Variants in TNS1 observed in about 807,000 individuals in gnomAD.
The protein encoded by TNS1 is tensin-1.
In TNS1, 62 loss-of-function variants were observed where a neutral mutation model predicts 168.6. That is an observed-to-expected ratio of 0.37 (90% confidence interval 0.30 to 0.45). The LOEUF (loss-of-function observed/expected upper bound fraction) is 0.45, where lower values mean the gene tolerates loss of function less well. TNS1 is among the 20% of genes least tolerant of loss of function. TNS1 has a pLI of 1.00. For synonymous variants in TNS1, 934 were observed against 933.2 expected (o/e 1.00, Z -0.02); for missense variants, 2,240 against 2,339.4 (o/e 0.96, Z 0.88).
chr2:217,918,503 C>T (rs531720755), intron 4 of TNS1, among the ~76,000 whole-genome samples: 26 of 152,298 alleles, frequency 1.7e-4, no homozygotes, highest in Admixed American at 7.2e-4. Flanking sequence ...TGCTCAGGCA[C>T]GAGTCTCTTC....
At chr2:217,835,362 T>C (rs1216714300) in intron 20 of TNS1, among the ~76,000 whole-genome samples, 196 bp from the exon 21 acceptor site, 3 of 152,220 alleles carry the variant, frequency 2.0e-5, no homozygotes, top group Non-Finnish European at 2.9e-5. Flanking sequence ...AAGCCACTTC[T>C]ATCCAGAATG....
rs560548881 is a variant in TNS1, at chr2:218,029,425, T to C, written c.156+4395A>G. 1.5e-3 allele frequency among the ~76,000 whole-genome samples: 229 copies of C among 152,346 alleles called. 3 individuals carry two copies. The highest frequency in any genetic ancestry group is 2.2e-3 in the Non-Finnish European group (150 of 68,044). ...GGGACACATATACCAAACAGAAATC[T>C]GGCTTCATGATCTTCAAAACACATG... On this transcript the variant is annotated intron_variant, in intron 1 of 1. Transcript: ENST00000649572.
intron 18 of TNS1, among the ~76,000 whole-genome samples, chr2:217,853,686 G>C (rs146183109): frequency 2.0e-5 from 3 of 152,228 alleles, no homozygotes; most frequent in Non-Finnish European, 4.4e-5. Flanking sequence ...AGCAGCTGCA[G>C]AGAGTTCCAG....
intron 21 of TNS1, among the ~76,000 whole-genome samples, chr2:217,833,039 CTTA>C (rs1394829652): frequency 1.3e-5 from 2 of 152,228 alleles, no homozygotes; most frequent in Non-Finnish European, 2.9e-5. Flanking sequence ...TTATCAAACA[CTTA>C]TTAATGTTTG....
chr2:217,927,387 A>G (rs892846639), intron 3 of TNS1, among the ~76,000 whole-genome samples: 2 of 152,160 alleles, frequency 1.3e-5, no homozygotes, highest in African/African-American at 4.8e-5. Context: ...GCTTGACCAT[A>G]GGCAACCTTG....
chr2:217,918,234 TGAA>T (rs1955301073), intron 4 of TNS1, among the ~76,000 whole-genome samples: 1 of 152,236 alleles, frequency 6.6e-6, no homozygotes, highest in African/African-American at 2.4e-5. Flanking sequence ...ACGTCCATTA[TGAA>T]GAAGAGAAAC....
upstream of TNS1, among the ~76,000 whole-genome samples, chr2:218,015,078 C>T (rs1247895363): frequency 6.6e-6 from 1 of 152,162 alleles, no homozygotes; most frequent in Non-Finnish European, 1.5e-5. Flanking sequence ...TTAGGCACCT[C>T]CACTCCACAC....
At chr2:217,945,592 A>C (rs1355943617) in intron 3 of TNS1, among the ~76,000 whole-genome samples, 1 of 152,196 alleles carries the variant, frequency 6.6e-6, no homozygotes, top group African/African-American at 2.4e-5. Flanking sequence ...AAATTCCAGC[A>C]TCCAGAACCC....
Position 217,885,054 on chromosome 2 carries a change from G to T in TNS1, c.1227C>A (p.Asp409Glu). ...GCGCACCTTTGAAAGCATCATCAAG[G>T]TCCTCCTTCCCAAAGACAACCCCCA... ...HDLGVVFGKEDLDDAFKDDRF... is the reference protein window; with the variant it reads ...HDLGVVFGKEELDDAFKDDRF... Residue 409 changes from aspartate to glutamate, a missense_variant, in exon 16 of 33, where the codon GAC becomes GAA. Asp to Glu is a conservative substitution (Grantham distance 45). Coordinates refer to ENST00000682258, the MANE Select transcript of TNS1 (RefSeq NM_001387777.1). 6.2e-7 allele frequency: 1 copy of T among 1,614,210 alleles called. No homozygotes were observed. The highest frequency in any genetic ancestry group is 8.5e-7 in the Non-Finnish European group (1 of 1,180,040).
chr2:218,028,388 G>A (rs993601701), intron 1 of TNS1, among the ~76,000 whole-genome samples: 2 of 152,160 alleles, frequency 1.3e-5, no homozygotes, highest in Non-Finnish European at 2.9e-5. Context: ...CCATCCTCTT[G>A]CACTTGCCCT....
At chr2:217,935,117 G>C (rs1378468521) in intron 3 of TNS1, among the ~76,000 whole-genome samples, 1 of 152,204 alleles carries the variant, frequency 6.6e-6, no homozygotes, top group Non-Finnish European at 1.5e-5. Context: ...CCCTGAAGTT[G>C]ACTCTGTCAC....
chr2:217,978,657 G>A (rs1485687197), intron 3 of TNS1, 108 bp downstream of exon 3: 9 of 636,040 alleles, frequency 1.4e-5, no homozygotes, highest in Non-Finnish European at 2.3e-5. Flanking sequence ...GAGGAGGAGG[G>A]ACGCCCCGGG....
chr2:217,966,315 G>GCA (rs1255443863), intron 3 of TNS1, among the ~76,000 whole-genome samples: 25 of 145,912 alleles, frequency 1.7e-4, no homozygotes, highest in African/African-American at 4.9e-4. Context: ...GTGTGCGCGC[G>GCA]CGCGCGTGTG....
chr2:217,937,370 G>T lies in TNS1; in HGVS notation c.187-17134C>A, dbSNP rs906353258. Among the ~76,000 whole-genome samples the T allele has an allele frequency of 3.3e-5, 5 of 152,218 alleles. No homozygotes were observed. The South Asian group carries it at 6.2e-4, about 19-fold the overall frequency. ...ACAGTGGGTCCACAGGCACTGCCCC[G>T]GACCCAAGGAGCCAACCCCTGGGGC... On this transcript the variant is annotated intron_variant, in intron 3 of 32. Coordinates refer to ENST00000682258, the MANE Select transcript of TNS1 (RefSeq NM_001387777.1).
intron 11 of TNS1, 136 bp downstream of exon 11, chr2:217,892,812 T>A (rs1265079401): frequency 1.0e-6 from 1 of 972,788 alleles, no homozygotes; most frequent in African/African-American, 1.6e-5. Context: ...AGGGGCCCCT[T>A]CCCCCGTCCT....
At chr2:217,860,469 A>C (rs1290575450) in intron 18 of TNS1, among the ~76,000 whole-genome samples, 1 of 152,018 alleles carries the variant, frequency 6.6e-6, no homozygotes, top group Non-Finnish European at 1.5e-5. Context: ...GTTTGGACAA[A>C]CTATTGCAAT....
intron 3 of TNS1, among the ~76,000 whole-genome samples, chr2:217,928,954 C>T (rs1330130696): frequency 6.6e-6 from 1 of 152,162 alleles, no homozygotes; most frequent in Non-Finnish European, 1.5e-5. Flanking sequence ...AGAGCAGCTG[C>T]CAGGTCCACA....
intron 3 of TNS1, among the ~76,000 whole-genome samples, chr2:217,975,773 C>T (rs1262600912): frequency 3.3e-5 from 5 of 152,234 alleles, no homozygotes; most frequent in Non-Finnish European, 5.9e-5. Context: ...AGCTCTCCCT[C>T]AGAAGGCATC....
At position 217,847,754 on chromosome 2, in the gene TNS1, A is replaced by T; in HGVS notation, c.2763T>A (p.Tyr921Ter). 1 of 1,609,180 alleles carries T rather than the reference A, an allele frequency of 6.2e-7. No individual in the cohort carries two copies. The highest frequency in any genetic ancestry group is 8.5e-7 in the Non-Finnish European group (1 of 1,176,160). The stretch of plus-strand genomic sequence containing the variant: ...GCCCAGCCAAACATGGCTGATAGTC[A>T]TAAGGTGAGTAAGACCTGCCAGGAG... ...SVPPGRSYSP[Y>*]DYQPCLAGPN... The change falls in exon 19 of 33, where the codon TAT becomes TAA. Residue 921 changes from tyrosine (Y) to a stop codon, truncating the protein, a stop_gained. Transcript: ENST00000682258. LOFTEE classifies it high-confidence loss of function.
Sources: gnomAD v4.1 joint callset for allele counts (sites outside exome capture counted in the v4.1 genomes callset) on GRCh38, gnomAD v4.1.1 for gene constraint, MANE v1.5 for transcripts, NCBI Gene and HGNC (gene_info 2026-07-23, HGNC 2026-07-21) for gene names.